The following VWA3A variants were observed in gnomAD, a reference collection of about 807,000 sequenced individuals.
VWA3A encodes the protein von Willebrand factor A domain-containing protein 3A.
VWA3A carries 134 observed loss-of-function variants against 160.4 expected under a neutral mutation model. The ratio of observed to expected loss-of-function variants is 0.84; its 90% CI spans 0.73 to 0.96. The LOEUF is 0.96. VWA3A is among the 40% of genes least tolerant of loss of function. VWA3A has a pLI of 0.00. For missense variants in VWA3A, 1,310 were observed against 1,447.9 expected (o/e 0.90, Z 1.55); for synonymous variants, 476 against 543.4 (o/e 0.88, Z 1.72).
rs143597841 is a variant in VWA3A at position 22,136,118 on chromosome 16, G to A, written c.2139+1680G>A. 7.3e-3 allele frequency among the ~76,000 whole-genome samples: 1,115 copies of A among 152,254 alleles called. 10 individuals carry two copies. The highest frequency in any genetic ancestry group is 0.011 in the Non-Finnish European group (774 of 68,024). ...TTAGTTAGTTTAGACACACTAAAATGTTACTTCCTCAGAGGAGTTGAGCAG... is the reference window on the plus strand; with the variant it reads ...TTAGTTAGTTTAGACACACTAAAATATTACTTCCTCAGAGGAGTTGAGCAG... On this transcript the variant is annotated intron_variant, in intron 21 of 33. Coordinates refer to ENST00000389398, the MANE Select transcript of VWA3A (RefSeq NM_173615.5).
intron 31 of VWA3A, among the ~76,000 whole-genome samples, chr16:22,153,015 C>T (rs767137126): frequency 6.6e-6 from 1 of 152,224 alleles, no homozygotes; most frequent in Middle Eastern, 3.4e-3. Context: ...ATATTATACC[C>T]ATTTAACAGG....
chr16:22,100,096 T>A, intron 3 of VWA3A, 98 bp from the exon 4 acceptor site: 1 of 1,337,738 alleles, frequency 7.5e-7, no homozygotes, highest in East Asian at 2.6e-5. Flanking sequence ...AAAGATAGGG[T>A]CAGTCTGAGT....
At position 22,122,281 on chromosome 16, in the gene VWA3A, G is replaced by A. The variant is rs367804728; in HGVS notation, c.1356+664G>A. On this transcript the variant is annotated intron_variant, in intron 14 of 33. Transcript: ENST00000389398. The stretch of plus-strand genomic sequence containing the variant: ...GATGAGTGGATGGATGGATGGATGG[G>A]TGGATGGATGGATGGATGGATGGAT... 1.1e-3 allele frequency among the ~76,000 whole-genome samples: 157 copies of A among 146,764 alleles called. 1 individual carries two copies. The highest frequency in any genetic ancestry group is 3.8e-3 in the African/African-American group (149 of 39,072).
Position 22,146,324 on chromosome 16 carries a change from G to A in VWA3A, c.2819G>A (p.Arg940Lys). ...AAGGTGTTAAGGCGCTATGTCCAGA[G>A]GCTGCAGTGGCTGCTGTCCGGTGAG... ...LEKVLRRYVQ[R>K]LQWLLSGSRR... is the part of the protein sequence containing the mutation. The change falls in exon 27 of 34, where the codon AGG becomes AAG. Residue 940 changes from arginine to lysine, a missense_variant. Coordinates refer to ENST00000389398, the MANE Select transcript of VWA3A (RefSeq NM_173615.5). 1 of 1,613,288 alleles carries A rather than the reference G, an allele frequency of 6.2e-7. No individual in the cohort carries two copies. Among genetic ancestry groups the A allele is most frequent in the Non-Finnish European group, 8.5e-7 (1 of 1,179,520 alleles).
rs1359051686 is a variant in VWA3A, at chr16:22,142,554, GACCCAAAC to G, written c.2495-110_2495-103del. ...CTATTCATGAGGGATCCGTTCCCATGACCCAAACACCTCCCATTAAGCCCCATCTCCAA... is the reference window on the plus strand; with the variant it reads ...CTATTCATGAGGGATCCGTTCCCATGACCTCCCATTAAGCCCCATCTCCAA... On this transcript the variant is annotated intron_variant, in intron 24 of 33. Transcript: ENST00000389398. 7 of 747,144 alleles carry G rather than the reference GACCCAAAC, an allele frequency of 9.4e-6. No homozygotes were observed. The Admixed American group carries it at 1.5e-4, about 16-fold the overall frequency. The allele number at this position is 747,144 out of a possible 1,614,324, so 46.3% of individuals were successfully genotyped here.
intron 28 of VWA3A, among the ~76,000 whole-genome samples, chr16:22,149,186 T>C (rs2046305526): frequency 6.6e-6 from 1 of 152,174 alleles, no homozygotes; most frequent in African/African-American, 2.4e-5. Flanking sequence ...GTTAAGACAC[T>C]TGCTGAAGAT....
Position 22,156,228 on chromosome 16 carries a change from G to A in VWA3A, c.*211G>A, listed in dbSNP as rs371570146. The A allele has an allele frequency of 1.2e-4, 37 of 316,534 alleles. No individual in the cohort carries two copies. The highest frequency in any genetic ancestry group is 4.1e-4 in the African/African-American group (19 of 45,914). 19.6% of individuals were successfully genotyped at this position (316,534 alleles called of 1,614,324 possible). ...TAACTCTCCAGCCCTGTCCCGCAGCGCACTCTACTCTCCAGCCACTAGATT... is the reference window on the plus strand; with the variant it reads ...TAACTCTCCAGCCCTGTCCCGCAGCACACTCTACTCTCCAGCCACTAGATT... On this transcript the variant is annotated 3_prime_UTR_variant, in exon 34 of 34. Transcript: ENST00000389398.
At chr16:22,122,132 G>GATGA (rs1252301635) in intron 14 of VWA3A, among the ~76,000 whole-genome samples, 2 of 140,692 alleles carry the variant, frequency 1.4e-5, no homozygotes, top group Non-Finnish European at 3.0e-5. Flanking sequence ...TGGATGGATG[G>GATGA]ATGGATGGAT....
chr16:22,146,497 C>T (rs986724400), intron 27 of VWA3A, among the ~76,000 whole-genome samples, 153 bp downstream of exon 27: 4 of 152,052 alleles, frequency 2.6e-5, no homozygotes, highest in African/African-American at 7.2e-5. Flanking sequence ...TACAACATGA[C>T]ACTGGGAGGC....
intron 16 of VWA3A, among the ~76,000 whole-genome samples, chr16:22,124,591 G>T (rs1249871808): frequency 2.0e-5 from 3 of 148,978 alleles, no homozygotes; most frequent in African/African-American, 7.4e-5. Context: ...ACAGAGTCTT[G>T]CTATGTTGCC....
At chr16:22,107,262 A>G (rs981640562) in intron 6 of VWA3A, among the ~76,000 whole-genome samples, 1 of 152,208 alleles carries the variant, frequency 6.6e-6, no homozygotes, top group Non-Finnish European at 1.5e-5. Context: ...TTAGGTTGTC[A>G]TTGCTGAAGG....
intron 14 of VWA3A, 114 bp from the exon 15 acceptor site, chr16:22,122,971 A>G: frequency 2.5e-6 from 2 of 813,848 alleles, no homozygotes; most frequent in Admixed American, 2.1e-5. Context: ...CCGACCTCAA[A>G]TGTGTTCAGA....
At position 22,138,405 on chromosome 16, in the gene VWA3A, C is replaced by T; in HGVS notation, c.2185C>T (p.Leu729=). 1 of 1,610,202 alleles carries T rather than the reference C, an allele frequency of 6.2e-7. No homozygotes were observed. Among genetic ancestry groups the T allele is most frequent in the South Asian group, 1.1e-5 (1 of 90,166 alleles). ...CCTGAAGAACCATTCAGGAAAAGTA[C>T]TGGGAAGTTCAGCCCTCCCGAAAGA... ...ASLKNHSGKV[L]GSSALPKEKP... is the part of the protein sequence containing the mutation. Residue 729 remains leucine, a synonymous_variant, in exon 22 of 34, where the codon CTG becomes TTG. Coordinates refer to ENST00000389398, the MANE Select transcript of VWA3A (RefSeq NM_173615.5).
At chr16:22,148,375 C>G (rs1226222625) in intron 28 of VWA3A, 69 bp downstream of exon 28, 1 of 1,512,418 alleles carries the variant, frequency 6.6e-7, no homozygotes, top group African/African-American at 1.4e-5. Context: ...CAAGCACGCC[C>G]CCTCTTCTCA....
At chr16:22,150,029 T>C in intron 29 of VWA3A, 98 bp downstream of exon 29, 1 of 1,444,670 alleles carries the variant, frequency 6.9e-7, no homozygotes. Context: ...AAGGGCGCTT[T>C]ATAATTTACA....
chr16:22,150,761 T>C lies in VWA3A; in HGVS notation c.3196T>C (p.Cys1066Arg). 1 of 1,613,108 alleles carries C rather than the reference T, an allele frequency of 6.2e-7. No homozygotes were observed. The highest frequency in any genetic ancestry group is 1.6e-4 in the Middle Eastern group (1 of 6,062). ...LLTDGKPDTSCSLVLNEVQKL... is the reference protein window; with the variant it reads ...LLTDGKPDTSRSLVLNEVQKL... Reference sequence around the variant, plus strand: ...GACCGACGGAAAGCCAGACACAAGCTGCAGCCTTGTCCTAAATGAAGTCCA... The same window carrying C: ...GACCGACGGAAAGCCAGACACAAGCCGCAGCCTTGTCCTAAATGAAGTCCA... The change falls in exon 30 of 34, where the codon TGC becomes CGC. Residue 1066 changes from cysteine (C) to arginine (R), a missense_variant. Transcript: ENST00000389398.
chr16:22,150,923 C>CA, intron 30 of VWA3A, 77 bp downstream of exon 30: 2 of 1,480,800 alleles, frequency 1.4e-6, no homozygotes, highest in South Asian at 2.7e-5. Flanking sequence ...CCAAGCCCCT[C>CA]ACCTAATCTA....
intron 20 of VWA3A, 29 bp downstream of exon 20, chr16:22,133,124 C>T: frequency 6.3e-7 from 1 of 1,594,832 alleles, no homozygotes; most frequent in Non-Finnish European, 8.5e-7. Context: ...ATCCCTTCAG[C>T]TCATTCCAAA....
rs773648274 is a variant in VWA3A at position 22,123,112 on chromosome 16, G to T, written c.1384G>T (p.Asp462Tyr). ...GGCAATGATACAATTTGAATGGCAC[G>T]ACGGGACAGTGAAGAACATTCATGT... is the stretch of plus-strand genomic sequence containing the variant. ...EKAMIQFEWH[D>Y]GTVKNIHVDP... The change falls in exon 15 of 34, where the codon GAC becomes TAC. Residue 462 changes from aspartate (D) to tyrosine (Y), a missense_variant. Asp to Tyr is a radical substitution (Grantham distance 160). Transcript: ENST00000389398. 13 of 1,606,196 alleles carry T rather than the reference G, an allele frequency of 8.1e-6. No individual in the cohort carries two copies. In the South Asian group the frequency reaches 1.3e-4, roughly 17 times the overall value.
Sources: allele counts gnomAD v4.1 joint callset (sites outside exome capture counted in the v4.1 genomes callset), GRCh38; gene constraint gnomAD v4.1.1; transcripts MANE v1.5; gene names NCBI Gene and HGNC (gene_info 2026-07-23, HGNC 2026-07-21).